Variants in MICAL3 observed in about 807,000 individuals in gnomAD.
MICAL3 encodes the protein [F-actin]-monooxygenase MICAL3.
In MICAL3, 62 loss-of-function variants were observed where a neutral mutation model predicts 207.4. The observed-to-expected ratio is 0.30, with a 90% CI of 0.24 to 0.37. The LOEUF (loss-of-function observed/expected upper bound fraction) is 0.37. Among genes scored for constraint, MICAL3 ranks in the 10% least tolerant of loss-of-function variants. The probability of loss-of-function intolerance (pLI) is 1.00; values close to 1 mark genes in which losing one functional copy is unlikely to be tolerated. For synonymous variants in MICAL3, 1,077 were observed against 1,069.3 expected (o/e 1.01, Z -0.14); for missense variants, 2,368 against 2,635.6 (o/e 0.90, Z 2.22).
intron 1 of MICAL3, among the ~76,000 whole-genome samples, chr22:17,954,528 A>G (rs1257967993): frequency 3.3e-5 from 5 of 152,276 alleles, no homozygotes; most frequent in Non-Finnish European, 5.9e-5. Flanking sequence ...GGCTAAACCA[A>G]CTCAGCAATG....
chr22:17,850,312 A>G (rs2146098365), intron 19 of MICAL3, among the ~76,000 whole-genome samples: 1 of 151,422 alleles, frequency 6.6e-6, no homozygotes, highest in East Asian at 2.0e-4. Context: ...TGCAGTGAGG[A>G]CACCGCTAGG....
chr22:17,839,981 A>C (rs1056938334), intron 20 of MICAL3: 1 of 123,476 alleles, frequency 8.1e-6, no homozygotes, highest in Non-Finnish European at 1.6e-5. Context: ...CCCAGGCTGG[A>C]GTGTACTGGT....
Position 17,964,318 on chromosome 22 carries a change from T to G in MICAL3, c.-74-57432A>C, listed in dbSNP as rs765628841. On this transcript the variant is annotated intron_variant, in intron 1 of 31. Coordinates refer to ENST00000441493, the MANE Select transcript of MICAL3 (RefSeq NM_015241.3). ...CATCCCTCTCCTCACATTCTTACCT[T>G]ATATGATTGAGGCCAAATATGCAAA... Among the ~76,000 whole-genome samples, 5 of 152,304 alleles carry G rather than the reference T, an allele frequency of 3.3e-5. No homozygotes were observed. In the East Asian group the frequency reaches 7.7e-4, roughly 23 times the overall value.
Position 17,904,656 on chromosome 22 carries a change from A to G in MICAL3, c.448T>C (p.Cys150Arg). 1 of 1,614,022 alleles carries G rather than the reference A, an allele frequency of 6.2e-7. No homozygotes were observed. The highest frequency in any genetic ancestry group is 8.5e-7 in the Non-Finnish European group (1 of 1,179,942). ...LGAKKFYGKF[C>R]AGAIDHISIR... The stretch of plus-strand genomic sequence containing the variant: ...CTGATATGGTCGATGGCTCCAGCAC[A>G]GAACTTGCCATAGAACTTCTTGGCA... The change falls in exon 3 of 32, where the codon TGT becomes CGT. Residue 150 changes from cysteine to arginine, a missense_variant. Coordinates refer to ENST00000441493, the MANE Select transcript of MICAL3 (RefSeq NM_015241.3).
At chr22:17,975,909 G>T (rs974951250) in intron 1 of MICAL3, among the ~76,000 whole-genome samples, 2 of 152,042 alleles carry the variant, frequency 1.3e-5, no homozygotes, top group African/African-American at 4.8e-5. Flanking sequence ...AAATTAGCCG[G>T]GCGTGGCAGT....
chr22:17,837,984 T>A (rs1923581519), intron 20 of MICAL3, among the ~76,000 whole-genome samples: 1 of 152,168 alleles, frequency 6.6e-6, no homozygotes, highest in Non-Finnish European at 1.5e-5. Context: ...GCTGGCTAAT[T>A]TGTAGAGACT....
In MICAL3 at chr22:17,899,521, T is replaced by A; in HGVS notation, c.875A>T (p.Tyr292Phe). ...TGIDLENIVY[Y>F]KDDTHYFVMT... ...AACGAAATAGTGTGTGTCATCTTTG[T>A]AGTAAACGATGTTCTCCAAGTCAAT... The change falls in exon 7 of 32, where the codon TAC becomes TTC. Residue 292 changes from tyrosine (Y) to phenylalanine (F), a missense_variant. By Grantham distance (22) the Tyr-to-Phe change is conservative. Coordinates refer to ENST00000441493, the MANE Select transcript of MICAL3 (RefSeq NM_015241.3). 6.2e-7 allele frequency: 1 copy of A among 1,605,982 alleles called. No individual in the cohort carries two copies.
chr22:17,967,363 A>G (rs921469926), intron 1 of MICAL3, among the ~76,000 whole-genome samples: 5 of 152,180 alleles, frequency 3.3e-5, no homozygotes, highest in African/African-American at 1.2e-4. Flanking sequence ...CCTGCAAAAA[A>G]AAGTAGAACA....
intron 26 of MICAL3, 139 bp downstream of exon 26, chr22:17,817,172 G>T: frequency 9.2e-7 from 1 of 1,089,276 alleles, no homozygotes; most frequent in Non-Finnish European, 1.3e-6. Flanking sequence ...CCATGGTTCA[G>T]TCCCTTCTCC....
chr22:18,011,418 G>A (rs1221034823), intron 1 of MICAL3, among the ~76,000 whole-genome samples: 1 of 151,988 alleles, frequency 6.6e-6, no homozygotes, highest in East Asian at 1.9e-4. Context: ...GGTGGCACAC[G>A]CCTGTAATCC....
At chr22:17,805,551 A>T (rs2061980881) in intron 29 of MICAL3, among the ~76,000 whole-genome samples, 1 of 152,232 alleles carries the variant, frequency 6.6e-6, no homozygotes, top group Non-Finnish European at 1.5e-5. Context: ...ATCTTTGGAT[A>T]GAGATATCTG....
Position 18,013,471 on chromosome 22 carries a change from G to A in MICAL3, c.-75+10810C>T, listed in dbSNP as rs149386946. Reference sequence around the variant, plus strand: ...GGTGGCACAGCTAATGAGTGTCACAGTCAGAATCTGAACCCAAGTCTGTCT... The same window carrying A: ...GGTGGCACAGCTAATGAGTGTCACAATCAGAATCTGAACCCAAGTCTGTCT... On this transcript the variant is annotated intron_variant, in intron 1 of 31. Transcript: ENST00000441493. 4.4e-3 allele frequency among the ~76,000 whole-genome samples: 672 copies of A among 152,342 alleles called. 3 individuals carry two copies. The highest frequency in any genetic ancestry group is 0.015 in the African/African-American group (634 of 41,586).
chr22:17,992,606 C>G (rs1391861946), intron 1 of MICAL3, among the ~76,000 whole-genome samples: 1 of 152,140 alleles, frequency 6.6e-6, no homozygotes, highest in East Asian at 1.9e-4. Context: ...AGTAGGAATC[C>G]CCCCTGCTCC....
chr22:17,902,546 G>A lies in MICAL3; in HGVS notation c.589+85C>T. 5.1e-6 allele frequency: 4 copies of A among 783,468 alleles called. No individual in the cohort carries two copies. The highest frequency in any genetic ancestry group is 3.2e-4 in the Middle Eastern group (1 of 3,142). The allele number at this position is 783,468 out of a possible 1,614,324, so 48.5% of individuals were successfully genotyped here. The stretch of plus-strand genomic sequence containing the variant: ...GGCTAGCTCTGGAAGCAGCCCTCAG[G>A]AGCCTTTGGTTTGCTCCCTCAATCT... On this transcript the variant is annotated intron_variant, in intron 4 of 31. Coordinates refer to ENST00000441493, the MANE Select transcript of MICAL3 (RefSeq NM_015241.3). The surrounding 1 kb of genome is among the most constrained non-coding windows in gnomAD (Gnocchi z 4.5).
intron 20 of MICAL3, chr22:17,834,404 A>C: frequency 7.8e-7 from 1 of 1,283,842 alleles, no homozygotes; most frequent in South Asian, 1.2e-5. Flanking sequence ...TAGGGAACAC[A>C]AAGGTGACAC....
chr22:17,822,586 G>C (rs1201972109), intron 23 of MICAL3, among the ~76,000 whole-genome samples: 1 of 152,160 alleles, frequency 6.6e-6, no homozygotes, highest in Non-Finnish European at 1.5e-5. Flanking sequence ...CGCAAGCTTG[G>C]GTTCTTCTCA....
At chr22:17,917,092 G>A (rs972508619) in intron 1 of MICAL3, among the ~76,000 whole-genome samples, 2 of 151,994 alleles carry the variant, frequency 1.3e-5, no homozygotes, top group East Asian at 1.9e-4. Flanking sequence ...CATGACCCAC[G>A]GAGACACAAG....
intron 19 of MICAL3, 103 bp from the exon 20 acceptor site, chr22:17,842,120 G>A: frequency 3.5e-6 from 4 of 1,157,472 alleles, no homozygotes; most frequent in Non-Finnish European, 3.7e-6. Context: ...CAGAATGTGG[G>A]GCAGGACAAA....
chr22:17,987,603 G>A (rs541625196), intron 1 of MICAL3, among the ~76,000 whole-genome samples: 88 of 152,332 alleles, frequency 5.8e-4, no homozygotes, highest in African/African-American at 2.0e-3. Context: ...CAGCTGCCAC[G>A]TCACTATTTA....
Sources: gnomAD v4.1 joint callset for allele counts (sites outside exome capture counted in the v4.1 genomes callset) on GRCh38, gnomAD v4.1.1 for gene constraint, Gnocchi (gnomAD v3.1) non-coding constraint, MANE v1.5 for transcripts, NCBI Gene and HGNC (gene_info 2026-07-23, HGNC 2026-07-21) for gene names.